RPIA: variants seen among roughly 807,000 people sequenced by gnomAD.
The protein encoded by RPIA is ribose 5-phosphate isomerase A.
A neutral mutation model predicts 37.8 loss-of-function variants in RPIA; 29 were observed. That is an observed-to-expected ratio of 0.77 (90% CI 0.57 to 1.05). RPIA has a LOEUF of 1.05. Among genes scored for constraint, RPIA ranks in the 50% least tolerant of loss-of-function variants. The pLI, the probability that RPIA is intolerant of heterozygous loss-of-function variation, is 0.00. For synonymous variants in RPIA, 167 were observed against 157.0 expected, an observed-to-expected ratio of 1.06 and a Z score of -0.48; for missense variants, 385 against 413.6, an observed-to-expected ratio of 0.93 and a Z score of 0.60.
intron 3 of RPIA, among the ~76,000 whole-genome samples, chr2:88,715,746 T>C (rs1673026863): frequency 6.6e-6 from 1 of 152,226 alleles, no homozygotes; most frequent in South Asian, 2.1e-4. Flanking sequence ...TTGTTTCTTA[T>C]TCCTGCATTT....
chr2:88,723,545 C>G (rs1351077740), intron 3 of RPIA, among the ~76,000 whole-genome samples: 1 of 152,062 alleles, frequency 6.6e-6, no homozygotes, highest in Non-Finnish European at 1.5e-5. Context: ...AGGGTGTACT[C>G]CCAGACCTCA....
Position 88,738,027 on chromosome 2 carries a change from C to T in RPIA, c.789C>T (p.Asp263=), listed in dbSNP as rs368582524. The T allele has an allele frequency of 9.4e-5, 152 of 1,613,854 alleles. No homozygotes were observed. The highest frequency in any genetic ancestry group is 1.6e-4 in the Middle Eastern group (1 of 6,084). The change falls in exon 8 of 9, where the codon GAC becomes GAT. Residue 263 remains aspartate (D), a synonymous_variant. Coordinates refer to ENST00000283646, the MANE Select transcript of RPIA (RefSeq NM_144563.3). ...ATTTTATCTTGGACTGGAAGTTTGACCGGGTACACAAATGGAGTGAAGTGA... is the reference window on the plus strand; with the variant it reads ...ATTTTATCTTGGACTGGAAGTTTGATCGGGTACACAAATGGAGTGAAGTGA... The part of the protein sequence containing the change: ...NGNFILDWKF[D]RVHKWSEVNT...
chr2:88,734,400 C>T (rs1030256407), intron 4 of RPIA, 152 bp from the exon 5 acceptor site: 1 of 749,550 alleles, frequency 1.3e-6, no homozygotes, highest in Non-Finnish European at 2.4e-6. Context: ...AGCAGCTTAA[C>T]CTCTTGTAGC....
At chr2:88,739,206 C>T (rs1020604861) in intron 8 of RPIA, among the ~76,000 whole-genome samples, 1 of 152,158 alleles carries the variant, frequency 6.6e-6, no homozygotes, top group South Asian at 2.1e-4. Flanking sequence ...AAGAGGCTAA[C>T]GGAATATTCC....
chr2:88,746,500 T>C (rs1673439343), intron 8 of RPIA, among the ~76,000 whole-genome samples: 1 of 152,202 alleles, frequency 6.6e-6, no homozygotes, highest in Non-Finnish European at 1.5e-5. Flanking sequence ...TGAGGATTCT[T>C]GAGAGCTGGA....
At chr2:88,703,028 G>A (rs578247253) in intron 3 of RPIA, among the ~76,000 whole-genome samples, 192 of 152,280 alleles carry the variant, frequency 1.3e-3, no homozygotes, top group Non-Finnish European at 2.2e-3. Context: ...ATCTTAAAGC[G>A]CCAAAATGAT....
intron 3 of RPIA, among the ~76,000 whole-genome samples, chr2:88,727,944 A>T (rs1394212904): frequency 1.3e-5 from 2 of 152,234 alleles, no homozygotes; most frequent in Non-Finnish European, 2.9e-5. Flanking sequence ...GAGAGAGAAC[A>T]ATAAAATGAA....
intron 3 of RPIA, among the ~76,000 whole-genome samples, chr2:88,706,635 G>A (rs1672901349): frequency 6.6e-6 from 1 of 151,890 alleles, no homozygotes; most frequent in African/African-American, 2.4e-5. Context: ...GTTGATAGAT[G>A]CAGCAAACCA....
At chr2:88,708,802 G>A (rs1672927162) in intron 3 of RPIA, among the ~76,000 whole-genome samples, 1 of 150,226 alleles carries the variant, frequency 6.7e-6, no homozygotes, top group Non-Finnish European at 1.5e-5. Context: ...TGTCGCCCAG[G>A]CTGGAGTGCA....
In RPIA at chr2:88,718,034, T is replaced by C. The variant is rs181225243; in HGVS notation, c.403-11244T>C. Among the ~76,000 whole-genome samples the C allele has an allele frequency of 1.7e-4, 26 of 152,292 alleles. 3 individuals carry two copies. In the East Asian group the frequency reaches 5.0e-3, roughly 29 times the overall value. On this transcript the variant is annotated intron_variant, in intron 3 of 8. Transcript: ENST00000283646. ...TGTCTAGCTTCAGTTTGCAGGGCTT[T>C]GTGAAAGCACAGCTTAGTTTTTGGT...
In RPIA at chr2:88,750,878, G is replaced by A; in HGVS notation, c.*800G>A. ...TTACTTGCATGGTTTGGCGTCAGAA[G>A]TCCTTACCTCTTTATATTGTTTGCA... On this transcript the variant is annotated 3_prime_UTR_variant, in exon 9 of 9. Transcript: ENST00000283646. 1 of 396,372 alleles carries A rather than the reference G, an allele frequency of 2.5e-6. No homozygotes were observed. The highest frequency in any genetic ancestry group is 4.4e-6 in the Non-Finnish European group (1 of 225,080). The allele number at this position is 396,372 out of a possible 1,614,324, so 24.6% of individuals were successfully genotyped here.
intron 4 of RPIA, 140 bp from the exon 5 acceptor site, chr2:88,734,412 C>T (rs1673290260): frequency 2.5e-6 from 2 of 797,770 alleles, no homozygotes; most frequent in Non-Finnish European, 4.4e-6. Flanking sequence ...TCTTGTAGCT[C>T]AATTTCTTGA....
In RPIA at chr2:88,700,016, G is replaced by A; in HGVS notation, c.354G>A (p.Arg118=). 2.5e-6 allele frequency: 4 copies of A among 1,614,174 alleles called. No homozygotes were observed. The highest frequency in any genetic ancestry group is 3.4e-6 in the Non-Finnish European group (4 of 1,180,022). ...TGGCTTTTGTTTCCACAGCTGAAAG[G>A]GTGAAGCAAGAGAATCTGAACCTCG... ...IVHAVQRIAE[R]VKQENLNLVC... The change falls in exon 3 of 9, where the codon AGG becomes AGA. Residue 118 remains arginine (R), a synonymous_variant. Transcript: ENST00000283646.
chr2:88,750,206 A>T lies in RPIA; in HGVS notation c.*128A>T. 4.9e-6 allele frequency: 3 copies of T among 612,530 alleles called. No homozygotes were observed. Among genetic ancestry groups the T allele is most frequent in the East Asian group, 3.3e-5 (1 of 29,866 alleles). 37.9% of individuals were successfully genotyped at this position (612,530 alleles called of 1,614,324 possible). A position where few individuals can be genotyped will look rare whatever the true frequency, so the allele number is the denominator to read the frequency against. ...ACTTGTGGTGGGGGGTGGGGGGAAGAGTGGGAGGGGGAGTTAAATCCAGTC... is the reference window on the plus strand; with the variant it reads ...ACTTGTGGTGGGGGGTGGGGGGAAGTGTGGGAGGGGGAGTTAAATCCAGTC... On this transcript the variant is annotated 3_prime_UTR_variant, in exon 9 of 9. Coordinates refer to ENST00000283646, the MANE Select transcript of RPIA (RefSeq NM_144563.3).
intron 3 of RPIA, among the ~76,000 whole-genome samples, chr2:88,703,758 A>G (rs1382049453): frequency 6.6e-6 from 1 of 152,122 alleles, no homozygotes; most frequent in Non-Finnish European, 1.5e-5. Context: ...ACTTATTCAG[A>G]TGTCTGCAGC....
At chr2:88,715,806 C>T (rs1673027782) in intron 3 of RPIA, among the ~76,000 whole-genome samples, 1 of 152,092 alleles carries the variant, frequency 6.6e-6, no homozygotes, top group South Asian at 2.1e-4. Context: ...CTATTTTCTC[C>T]TCTTTCATGA....
intron 2 of RPIA, among the ~76,000 whole-genome samples, chr2:88,698,960 C>T (rs1672794371): frequency 6.6e-6 from 1 of 152,226 alleles, no homozygotes; most frequent in African/African-American, 2.4e-5. Context: ...CCATTGATGG[C>T]TGGTTCCTGC....
chr2:88,698,754 A>G (rs1019999740), intron 2 of RPIA, among the ~76,000 whole-genome samples: 1 of 152,118 alleles, frequency 6.6e-6, no homozygotes, highest in African/African-American at 2.4e-5. Flanking sequence ...ACTTTGAAGG[A>G]CGCCCTTGCC....
chr2:88,735,239 A>G (rs1673300704), intron 5 of RPIA, among the ~76,000 whole-genome samples: 2 of 152,200 alleles, frequency 1.3e-5, no homozygotes, highest in Admixed American at 1.3e-4. Context: ...CTAGAGGTAG[A>G]CCTGGACCCA....
Sources: allele counts gnomAD v4.1 joint callset (sites outside exome capture counted in the v4.1 genomes callset), GRCh38; gene constraint gnomAD v4.1.1; transcripts MANE v1.5; gene names NCBI Gene and HGNC (gene_info 2026-07-23, HGNC 2026-07-21).